PCDHGB4: variants seen among roughly 807,000 people sequenced by gnomAD.
PCDHGB4 encodes the protein protocadherin gamma-B4.
PCDHGB4 carries 38 observed loss-of-function variants against 60.5 expected under a neutral mutation model. That is an observed-to-expected ratio of 0.63 (90% CI 0.48 to 0.82). PCDHGB4 has a LOEUF of 0.82. PCDHGB4 is among the 40% of genes least tolerant of loss of function. The probability of loss-of-function intolerance (pLI) is 0.00; values close to 1 mark genes in which losing one functional copy is unlikely to be tolerated. For missense variants in PCDHGB4, 1,109 were observed against 1,209.6 expected (o/e 0.92, Z 1.23); for synonymous variants, 456 against 509.7 (o/e 0.89, Z 1.42).
chr5:141,464,068 C>A (rs2099075218), intron 1 of PCDHGB4, among the ~76,000 whole-genome samples: 1 of 152,036 alleles, frequency 6.6e-6, no homozygotes, highest in Admixed American at 6.6e-5. Flanking sequence ...AGTTCAAGGC[C>A]AGCCTGGCCA....
chr5:141,455,593 C>T (rs957677108), intron 1 of PCDHGB4, among the ~76,000 whole-genome samples: 4 of 152,070 alleles, frequency 2.6e-5, no homozygotes, highest in Non-Finnish European at 5.9e-5. Flanking sequence ...AATATGCAAA[C>T]GTAGGGCGCC....
At chr5:141,413,230 C>A in intron 1 of PCDHGB4, 1 of 1,613,942 alleles carries the variant, frequency 6.2e-7, no homozygotes. Context: ...CGGGCTGGTC[C>A]TGCTCTGCCT....
intron 1 of PCDHGB4, chr5:141,415,388 G>C (rs752789407): frequency 6.2e-7 from 1 of 1,614,236 alleles, no homozygotes; most frequent in East Asian, 2.2e-5. Flanking sequence ...GGCTTGACAG[G>C]TGTGTCCGGC....
chr5:141,441,697 C>A (rs1415018255), intron 1 of PCDHGB4: 4 of 307,190 alleles, frequency 1.3e-5, no homozygotes, highest in Non-Finnish European at 1.3e-5. Flanking sequence ...CAGCCGCGAG[C>A]CTTCAAGCTC....
chr5:141,407,355 A>C (rs991392072), intron 1 of PCDHGB4, among the ~76,000 whole-genome samples: 8 of 152,198 alleles, frequency 5.3e-5, no homozygotes, highest in Non-Finnish European at 1.0e-4. Context: ...TTTGGGGAAA[A>C]CATAACAGAT....
At position 141,476,001 on chromosome 5, in the gene PCDHGB4, C is replaced by G; in HGVS notation, c.2398-18806C>G. The G allele has an allele frequency of 8.1e-7, 1 of 1,235,348 alleles. No homozygotes were observed. Among genetic ancestry groups the G allele is most frequent in the Non-Finnish European group, 1.1e-6 (1 of 894,008 alleles). 76.5% of individuals were successfully genotyped at this position (1,235,348 alleles called of 1,614,324 possible). On this transcript the variant is annotated intron_variant, in intron 1 of 3. Transcript: ENST00000519479. The surrounding 1 kb of genome is among the most constrained non-coding windows in gnomAD (Gnocchi z 7.6). ...CAGCCGGCGAGCAAATCAACGGCATCCAGAAAGCCATGTCGGACTCGGCGC... is the reference window on the plus strand; with the variant it reads ...CAGCCGGCGAGCAAATCAACGGCATGCAGAAAGCCATGTCGGACTCGGCGC...
chr5:141,475,990 A>T, intron 1 of PCDHGB4: 1 of 1,140,672 alleles, frequency 8.8e-7, no homozygotes, highest in Non-Finnish European at 1.2e-6. Context: ...CGGCGAGCAA[A>T]TCAACGGCAT....
At chr5:141,422,424 T>G (rs1182660567) in intron 1 of PCDHGB4, 3 of 1,607,958 alleles carry the variant, frequency 1.9e-6, no homozygotes, top group Non-Finnish European at 2.5e-6. Flanking sequence ...AAAAGACTTA[T>G]GGAAATTATT....
chr5:141,415,007 G>A (rs369009151), intron 1 of PCDHGB4: 1 of 1,613,654 alleles, frequency 6.2e-7, no homozygotes, highest in South Asian at 1.1e-5. Flanking sequence ...CTGTCCTACC[G>A]TCTGCTCAAG....
chr5:141,410,530 T>C (rs1400165380), intron 1 of PCDHGB4: 1 of 1,613,956 alleles, frequency 6.2e-7, no homozygotes, highest in South Asian at 1.1e-5. Context: ...TACATTCCAA[T>C]GAAGACATGG....
At chr5:141,446,767 G>T (rs891355909) in intron 1 of PCDHGB4, among the ~76,000 whole-genome samples, 1 of 152,118 alleles carries the variant, frequency 6.6e-6, no homozygotes, top group African/African-American at 2.4e-5. Flanking sequence ...GCGCCCAGCC[G>T]GTTACCATTC....
At chr5:141,433,208 CTTT>C (rs745329085) in intron 1 of PCDHGB4, 6 of 1,292,918 alleles carry the variant, frequency 4.6e-6, no homozygotes, top group East Asian at 2.6e-5. Flanking sequence ...AATCTTCTTT[CTTT>C]TTTTTTTTTA....
chr5:141,443,385 T>G (rs2098386152), intron 1 of PCDHGB4, among the ~76,000 whole-genome samples: 2 of 151,940 alleles, frequency 1.3e-5, no homozygotes, highest in African/African-American at 4.8e-5. Flanking sequence ...CTTGGGAGGC[T>G]GAGGTGTGAG....
chr5:141,394,120 C>G, intron 1 of PCDHGB4: 3 of 1,613,954 alleles, frequency 1.9e-6, no homozygotes, highest in Non-Finnish European at 1.7e-6. Context: ...TCCACTGAAA[C>G]TCAAATCGCT....
At chr5:141,502,666 T>C (rs962424461) in intron 2 of PCDHGB4, among the ~76,000 whole-genome samples, 10 of 152,234 alleles carry the variant, frequency 6.6e-5, no homozygotes, top group African/African-American at 2.2e-4. Context: ...CTTCATGCAA[T>C]TTTAGTATTC....
chr5:141,438,641 C>CAT (rs2098042490), intron 1 of PCDHGB4, among the ~76,000 whole-genome samples: 2 of 79,354 alleles, frequency 2.5e-5, no homozygotes, highest in Non-Finnish European at 4.5e-5. Context: ...TATATACACA[C>CAT]ACACACACAC....
At position 141,468,868 on chromosome 5, in the gene PCDHGB4, A is replaced by AAAT. The variant is rs993655754; in HGVS notation, c.2398-25921_2398-25919dup. Among the ~76,000 whole-genome samples, 30 of 151,912 alleles carry AAAT rather than the reference A, an allele frequency of 2.0e-4. No homozygotes were observed. The East Asian group carries it at 4.3e-3, about 22-fold the overall frequency. On this transcript the variant is annotated intron_variant, in intron 1 of 3. Coordinates refer to ENST00000519479, the MANE Select transcript of PCDHGB4 (RefSeq NM_003736.4). ...GCAACAGAGCGAGACTCCATCTCAAAAATAATAATAATAATAATAAGGTAC... is the reference window on the plus strand; with the variant it reads ...GCAACAGAGCGAGACTCCATCTCAAAAATAATAATAATAATAATAATAAGGTAC...
Position 141,414,015 on chromosome 5 carries a change from A to T in PCDHGB4, c.2397+23734A>T. ...ACAGGGACGAAGGTGCCAATGGAGA[A>T]GTGACATATTCATTCCGAAAATTAC... On this transcript the variant is annotated intron_variant, in intron 1 of 3. Coordinates refer to ENST00000519479, the MANE Select transcript of PCDHGB4 (RefSeq NM_003736.4). 6.2e-7 allele frequency: 1 copy of T among 1,613,160 alleles called. No individual in the cohort carries two copies.
At chr5:141,395,207 T>C (rs1589256269) in intron 1 of PCDHGB4, 6 of 1,613,702 alleles carry the variant, frequency 3.7e-6, no homozygotes, top group Non-Finnish European at 5.1e-6. Context: ...TAGATTTTCA[T>C]GAATATAAGA....
Sources: gnomAD v4.1 joint callset for allele counts (sites outside exome capture counted in the v4.1 genomes callset) on GRCh38, gnomAD v4.1.1 for gene constraint, Gnocchi (gnomAD v3.1) non-coding constraint, MANE v1.5 for transcripts, NCBI Gene and HGNC (gene_info 2026-07-23, HGNC 2026-07-21) for gene names.